The following APAF1 variants were observed in gnomAD, a reference collection of about 807,000 sequenced individuals.
The protein encoded by APAF1 is apoptotic peptidase activating factor 1.
A neutral mutation model predicts 152.4 loss-of-function variants in APAF1; 91 were observed. That is an observed-to-expected ratio of 0.60 (90% CI 0.50 to 0.71). The LOEUF (loss-of-function observed/expected upper bound fraction) is 0.71, where lower values mean the gene tolerates loss of function less well. APAF1 is among the 30% of genes least tolerant of loss of function. The pLI, the probability that APAF1 is intolerant of heterozygous loss-of-function variation, is 0.00. For missense variants in APAF1, 1,283 were observed against 1,472.0 expected, an observed-to-expected ratio of 0.87 and a Z score of 2.10; for synonymous variants, 484 against 494.1, an observed-to-expected ratio of 0.98 and a Z score of 0.27.
chr12:98,653,711 T>A (rs1234992821), intron 4 of APAF1, among the ~76,000 whole-genome samples: 1 of 109,826 alleles, frequency 9.1e-6, no homozygotes, highest in Non-Finnish European at 1.8e-5. Flanking sequence ...TATATATATA[T>A]ATATATATAT....
At chr12:98,703,783 T>C (rs1409971083) in intron 18 of APAF1, among the ~76,000 whole-genome samples, 1 of 152,210 alleles carries the variant, frequency 6.6e-6, no homozygotes, top group Non-Finnish European at 1.5e-5. Flanking sequence ...ATGGAATGAC[T>C]GCTGGTCATG....
Position 98,703,383 on chromosome 12 carries a change from C to A in APAF1, c.2479C>A (p.His827Asn), listed in dbSNP as rs988787535. 6.2e-7 allele frequency: 1 copy of A among 1,613,972 alleles called. No individual in the cohort carries two copies. Among genetic ancestry groups the A allele is most frequent in the Non-Finnish European group, 8.5e-7 (1 of 1,179,980 alleles). The change falls in exon 18 of 27, where the codon CAT becomes AAT. Residue 827 changes from histidine (H) to asparagine (N), a missense_variant. Coordinates refer to ENST00000551964, the MANE Select transcript of APAF1 (RefSeq NM_181861.2). ...AKNKIFLFDI[H>N]TSGLLGEIHT... ...TTTATGTTGACAGCTTTTTGACATT[C>A]ATACTAGTGGCCTATTGGGAGAAAT...
intron 3 of APAF1, chr12:98,649,199 G>A: frequency 1.0e-6 from 1 of 983,314 alleles, no homozygotes; most frequent in Non-Finnish European, 1.2e-6. Context: ...TGCCTTCCCA[G>A]TCTTCAATAT....
At chr12:98,671,812 A>C (rs879387060) in intron 12 of APAF1, 93 bp downstream of exon 12, 250 of 1,255,560 alleles carry the variant, frequency 2.0e-4, no homozygotes, top group Non-Finnish European at 2.8e-4. Context: ...GGAGGATTTA[A>C]CTACTTTCGA....
chr12:98,706,469 T>C lies in APAF1; in HGVS notation c.2596-16T>C, dbSNP rs2097721517. On this transcript the variant is annotated splice_polypyrimidine_tract_variant and intron_variant, in intron 18 of 26. Coordinates refer to ENST00000551964, the MANE Select transcript of APAF1 (RefSeq NM_181861.2). ...CTTATGTATGTGATTTCCTATATGC[T>C]GTGTTTATTCTGTAGTTGTGGAATA... The C allele has an allele frequency of 6.2e-7, 1 of 1,613,900 alleles. No homozygotes were observed. Among genetic ancestry groups the C allele is most frequent in the Non-Finnish European group, 8.5e-7 (1 of 1,179,812 alleles).
At chr12:98,666,824 C>T (rs1206628187) in intron 9 of APAF1, among the ~76,000 whole-genome samples, 21 of 151,110 alleles carry the variant, frequency 1.4e-4, no homozygotes, top group Admixed American at 9.9e-4. Flanking sequence ...TTCTCAGTGG[C>T]GTCATAGGCT....
intron 26 of APAF1, among the ~76,000 whole-genome samples, chr12:98,730,290 T>C (rs1261764839): frequency 6.6e-6 from 1 of 152,216 alleles, no homozygotes; most frequent in African/African-American, 2.4e-5. Context: ...CTGGGGATGA[T>C]GCTTAGAGGA....
At chr12:98,688,611 C>T (rs957696227) in intron 16 of APAF1, among the ~76,000 whole-genome samples, 2 of 149,560 alleles carry the variant, frequency 1.3e-5, no homozygotes, top group Admixed American at 6.7e-5. Context: ...ACTGGAATCA[C>T]AAGCATGTGC....
Position 98,662,826 on chromosome 12 carries a change from T to G in APAF1, c.955+20T>G. 6.3e-7 allele frequency: 1 copy of G among 1,599,428 alleles called. No homozygotes were observed. Among genetic ancestry groups the G allele is most frequent in the Non-Finnish European group, 8.6e-7 (1 of 1,169,342 alleles). The stretch of plus-strand genomic sequence containing the variant: ...GTAAAGGTATGGTTATTTATTTGTT[T>G]ATGAGGAGATTATAGGGAGTTATAT... On this transcript the variant is annotated intron_variant, in intron 7 of 26. Coordinates refer to ENST00000551964, the MANE Select transcript of APAF1 (RefSeq NM_181861.2).
chr12:98,652,811 A>G (rs1436462110), intron 4 of APAF1, among the ~76,000 whole-genome samples: 10 of 151,892 alleles, frequency 6.6e-5, no homozygotes, highest in Admixed American at 6.6e-4. Flanking sequence ...TTTTTAGTAG[A>G]GACGGGGTTT....
chr12:98,722,205 C>A (rs2097743988), intron 22 of APAF1, among the ~76,000 whole-genome samples: 1 of 152,188 alleles, frequency 6.6e-6, no homozygotes, highest in South Asian at 2.1e-4. Flanking sequence ...CACTTTAAAC[C>A]CATTCCTCAA....
chr12:98,659,948 T>C (rs1035266484), intron 5 of APAF1, among the ~76,000 whole-genome samples: 12 of 152,038 alleles, frequency 7.9e-5, no homozygotes, highest in Non-Finnish European at 1.3e-4. Flanking sequence ...AGTAGGTGAG[T>C]TGGTGAGTGG....
rs192731229 is a variant in APAF1, at chr12:98,712,265, G to C, written c.2842-54G>C. 3.0e-6 allele frequency: 3 copies of C among 989,244 alleles called. No individual in the cohort carries two copies. In the African/African-American group the frequency reaches 4.8e-5, roughly 16 times the overall value. The allele number at this position is 989,244 out of a possible 1,614,324, so 61.3% of individuals were successfully genotyped here. A position where few individuals can be genotyped will look rare whatever the true frequency, so the allele number is the denominator to read the frequency against. ...TTTCAATTGAAGCCTCTGTTCTGAC[G>C]AACAAAAACTGCTCTTACAGCCTAA... On this transcript the variant is annotated intron_variant, in intron 20 of 26. Coordinates refer to ENST00000551964, the MANE Select transcript of APAF1 (RefSeq NM_181861.2).
chr12:98,695,977 C>T (rs1400884613), intron 16 of APAF1, among the ~76,000 whole-genome samples: 2 of 152,222 alleles, frequency 1.3e-5, no homozygotes, highest in African/African-American at 4.8e-5. Flanking sequence ...ACTTGCCTTT[C>T]TGCTTTCTAG....
At chr12:98,672,928 AT>A (rs985846892) in intron 12 of APAF1, among the ~76,000 whole-genome samples, 11 of 148,732 alleles carry the variant, frequency 7.4e-5, no homozygotes, top group Non-Finnish European at 1.2e-4. Flanking sequence ...CCGATTTTGT[AT>A]TTTTTTTTAG....
chr12:98,700,816 C>T (rs900712498), intron 17 of APAF1, among the ~76,000 whole-genome samples: 14 of 152,038 alleles, frequency 9.2e-5, no homozygotes, highest in East Asian at 7.7e-4. Context: ...ATGTAATCTG[C>T]GAATTTGCCT....
chr12:98,666,503 G>A, intron 9 of APAF1, 146 bp downstream of exon 9: 1 of 786,308 alleles, frequency 1.3e-6, no homozygotes, highest in Non-Finnish European at 2.0e-6. Flanking sequence ...TATAACCATA[G>A]TACAGTTGTT....
chr12:98,713,459 C>G (rs1193794315), intron 21 of APAF1, among the ~76,000 whole-genome samples: 1 of 152,192 alleles, frequency 6.6e-6, no homozygotes, highest in Non-Finnish European at 1.5e-5. Context: ...CTTGCCTGTT[C>G]CACCAATCCT....
chr12:98,683,464 A>G (rs976960375), intron 15 of APAF1, among the ~76,000 whole-genome samples, 190 bp downstream of exon 15: 2 of 152,114 alleles, frequency 1.3e-5, no homozygotes, highest in Non-Finnish European at 2.9e-5. Flanking sequence ...TGAAAAGTCT[A>G]GAGGGAGCAT....
Sources: gnomAD v4.1 joint callset for allele counts (sites outside exome capture counted in the v4.1 genomes callset) on GRCh38, gnomAD v4.1.1 for gene constraint, MANE v1.5 for transcripts, NCBI Gene and HGNC (gene_info 2026-07-23, HGNC 2026-07-21) for gene names.